Variants in PCSK5 observed in about 807,000 individuals in gnomAD.
PCSK5 encodes prohormone convertase 5.
PCSK5 carries 129 observed loss-of-function variants against 233.2 expected under a neutral mutation model. The observed-to-expected ratio is 0.55, with a 90% confidence interval of 0.48 to 0.64. PCSK5 has a LOEUF of 0.64. Among genes scored for constraint, PCSK5 ranks in the 30% least tolerant of loss-of-function variants. The probability of loss-of-function intolerance (pLI) is 0.00; values close to 1 mark genes in which losing one functional copy is unlikely to be tolerated. For missense variants in PCSK5, 2,076 were observed against 2,430.1 expected, an observed-to-expected ratio of 0.85 and a Z score of 3.06; for synonymous variants, 825 against 879.2, an observed-to-expected ratio of 0.94 and a Z score of 1.09.
At position 76,295,046 on chromosome 9, in the gene PCSK5, C is replaced by T. The variant is rs150287278; in HGVS notation, c.3186-229C>T. Among the ~76,000 whole-genome samples, 1,182 of 152,046 alleles carry T rather than the reference C, an allele frequency of 7.8e-3. 11 individuals carry two copies. The highest frequency in any genetic ancestry group is 0.026 in the African/African-American group (1,082 of 41,458). On this transcript the variant is annotated intron_variant, in intron 25 of 37. Coordinates refer to ENST00000674117, the MANE Select transcript of PCSK5 (RefSeq NM_001372043.1). ...GTGTGCACCTGTAATCCCAGCTACTCGGGAGGCTGAGGCAAGAGAATCACT... is the reference window on the plus strand; with the variant it reads ...GTGTGCACCTGTAATCCCAGCTACTTGGGAGGCTGAGGCAAGAGAATCACT...
intron 27 of PCSK5, among the ~76,000 whole-genome samples, chr9:76,297,129 T>C (rs998117583): frequency 2.6e-5 from 4 of 152,118 alleles, no homozygotes; most frequent in Admixed American, 2.6e-4. Flanking sequence ...AGTTTCTACC[T>C]GGGTGAAGCA....
intron 3 of PCSK5, among the ~76,000 whole-genome samples, chr9:76,020,236 C>T (rs28373801): frequency 6.6e-5 from 10 of 152,072 alleles, no homozygotes; most frequent in Admixed American, 1.3e-4. Flanking sequence ...ATAAATAGGG[C>T]CTAGTTTAAA....
chr9:76,214,724 GTTC>G (rs1825459841), intron 20 of PCSK5, among the ~76,000 whole-genome samples: 1 of 152,166 alleles, frequency 6.6e-6, no homozygotes, highest in South Asian at 2.1e-4. Context: ...AGTGTTAGCT[GTTC>G]TTATTATTAC....
chr9:76,057,708 T>G (rs1179474688), intron 5 of PCSK5, among the ~76,000 whole-genome samples: 5 of 152,324 alleles, frequency 3.3e-5, no homozygotes, highest in Middle Eastern at 3.4e-3. Flanking sequence ...GTGCAGGGCT[T>G]TTTTACATTT....
At chr9:76,102,098 T>C (rs1178143127) in intron 8 of PCSK5, among the ~76,000 whole-genome samples, 1 of 152,248 alleles carries the variant, frequency 6.6e-6, no homozygotes, top group Non-Finnish European at 1.5e-5. Flanking sequence ...AAGGAACCTC[T>C]ATACGGACTT....
intron 15 of PCSK5, 30 bp downstream of exon 15, chr9:76,179,728 A>G (rs752715766): frequency 9.5e-5 from 138 of 1,445,512 alleles, no homozygotes; most frequent in Non-Finnish European, 1.3e-4. Context: ...ACATCCCCAC[A>G]GCATGTGCCA....
At chr9:76,107,923 A>G (rs968379812) in intron 9 of PCSK5, among the ~76,000 whole-genome samples, 5 of 152,218 alleles carry the variant, frequency 3.3e-5, no homozygotes, top group Non-Finnish European at 5.9e-5. Flanking sequence ...CTAAGAACAA[A>G]TAGGTTAATT....
At position 75,908,929 on chromosome 9, in the gene PCSK5, ATCTC is replaced by A. The variant is rs796708467; in HGVS notation, c.192+17564_192+17567del. On this transcript the variant is annotated intron_variant, in intron 1 of 37. Coordinates refer to ENST00000674117, the MANE Select transcript of PCSK5 (RefSeq NM_001372043.1). The stretch of plus-strand genomic sequence containing the variant: ...TATCTATCTATCTATCTATCTCTCT[ATCTC>A]TCTCTCTGTCTATCTATCTATCTAT... Among the ~76,000 whole-genome samples, 571 of 101,918 alleles carry A rather than the reference ATCTC, an allele frequency of 5.6e-3. 2 individuals carry two copies. The highest frequency in any genetic ancestry group is 0.017 in the African/African-American group (483 of 28,060). 66.9% of individuals were successfully genotyped at this position (101,918 alleles called of 152,430 possible).
At chr9:76,058,453 CAA>C (rs1426185901) in intron 5 of PCSK5, among the ~76,000 whole-genome samples, 3 of 152,158 alleles carry the variant, frequency 2.0e-5, no homozygotes, top group East Asian at 1.9e-4. Context: ...ATAGATGAGA[CAA>C]GAGGATAAAT....
At position 76,227,490 on chromosome 9, in the gene PCSK5, T is replaced by C; in HGVS notation, c.2627-13T>C. 1 of 1,586,640 alleles carries C rather than the reference T, an allele frequency of 6.3e-7. No homozygotes were observed. The highest frequency in any genetic ancestry group is 8.6e-7 in the Non-Finnish European group (1 of 1,158,470). ...TGTAGAAATGAAATAAACAACTAGATTTTGTTCCCCAGGAGAATATGTTGA... is the reference window on the plus strand; with the variant it reads ...TGTAGAAATGAAATAAACAACTAGACTTTGTTCCCCAGGAGAATATGTTGA... On this transcript the variant is annotated splice_polypyrimidine_tract_variant and intron_variant, in intron 20 of 37. Transcript: ENST00000674117.
At chr9:75,934,450 T>G (rs73448565) in intron 2 of PCSK5, among the ~76,000 whole-genome samples, 10,751 of 152,136 alleles carry the variant, frequency 0.071, 650 homozygotes, top group African/African-American at 0.16. Flanking sequence ...CCTCCGGGAT[T>G]TGGAGACACA....
chr9:76,292,680 C>G (rs1227124085), intron 25 of PCSK5, among the ~76,000 whole-genome samples: 1 of 152,168 alleles, frequency 6.6e-6, no homozygotes, highest in Non-Finnish European at 1.5e-5. Flanking sequence ...AGCTCTTAGT[C>G]ATCCCCTAGG....
intron 7 of PCSK5, among the ~76,000 whole-genome samples, chr9:76,095,117 A>T (rs1319025186): frequency 2.0e-5 from 3 of 152,196 alleles, no homozygotes; most frequent in Non-Finnish European, 2.9e-5. Flanking sequence ...GGCTCACTTA[A>T]TTTTGTTTAA....
rs1001764350 is a variant in PCSK5, at chr9:75,968,009, G to A, written c.298-18123G>A. On this transcript the variant is annotated intron_variant, in intron 2 of 37. Coordinates refer to ENST00000674117, the MANE Select transcript of PCSK5 (RefSeq NM_001372043.1). The stretch of plus-strand genomic sequence containing the variant: ...ACTCCCGACCTCAGGTGATCCGCCC[G>A]CCTGGGCCTCCCAAAGTACTGGGAT... Among the ~76,000 whole-genome samples, 8 of 152,126 alleles carry A rather than the reference G, an allele frequency of 5.3e-5. No individual in the cohort carries two copies. In the East Asian group the frequency reaches 5.8e-4, roughly 11 times the overall value.
intron 3 of PCSK5, among the ~76,000 whole-genome samples, chr9:75,990,126 T>C (rs953405052): frequency 4.6e-5 from 7 of 152,158 alleles, no homozygotes; most frequent in African/African-American, 1.7e-4. Flanking sequence ...GGGAGTATTG[T>C]TTGGCAGCAC....
chr9:76,149,077 TTTTCG>T (rs1022212833), intron 10 of PCSK5, among the ~76,000 whole-genome samples: 24 of 152,224 alleles, frequency 1.6e-4, no homozygotes, highest in African/African-American at 5.5e-4. Flanking sequence ...AATGGCTTAC[TTTTCG>T]TAAATTTTAC....
intron 5 of PCSK5, among the ~76,000 whole-genome samples, chr9:76,061,309 AAAT>A (rs1830020863): frequency 6.6e-6 from 1 of 152,174 alleles, no homozygotes; most frequent in Non-Finnish European, 1.5e-5. Flanking sequence ...TGGTTCATAG[AAAT>A]AATATTATTT....
intron 3 of PCSK5, among the ~76,000 whole-genome samples, chr9:75,996,177 G>C (rs182073846): frequency 2.0e-5 from 3 of 152,238 alleles, no homozygotes; most frequent in Admixed American, 2.0e-4. Context: ...GGTGTGGTCT[G>C]TATTTGTTCT....
chr9:76,121,548 T>C (rs1243102034), intron 9 of PCSK5, among the ~76,000 whole-genome samples: 1 of 152,192 alleles, frequency 6.6e-6, no homozygotes, highest in Non-Finnish European at 1.5e-5. Flanking sequence ...GTAATTCTCA[T>C]CTATAAGGTA....
Sources: gnomAD v4.1 joint callset for allele counts (sites outside exome capture counted in the v4.1 genomes callset) on GRCh38, gnomAD v4.1.1 for gene constraint, MANE v1.5 for transcripts, NCBI Gene and HGNC (gene_info 2026-07-23, HGNC 2026-07-21) for gene names.